Variants in DTD1 observed in about 807,000 individuals in gnomAD.
DTD1 encodes the protein D-aminoacyl-tRNA deacylase 1.
In DTD1, 13 loss-of-function variants were observed where a neutral mutation model predicts 25.6. That is an observed-to-expected ratio of 0.51 (90% confidence interval 0.33 to 0.81). DTD1 has a LOEUF of 0.81. DTD1 is among the 30% of genes least tolerant of loss of function. The probability of loss-of-function intolerance (pLI) is 0.02; values close to 1 mark genes in which losing one functional copy is unlikely to be tolerated. For missense variants in DTD1, 193 were observed against 266.4 expected (o/e 0.72, Z 1.92); for synonymous variants, 110 against 103.6 (o/e 1.06, Z -0.37).
intron 4 of DTD1, among the ~76,000 whole-genome samples, chr20:18,715,041 C>T (rs1165171029): frequency 6.6e-6 from 1 of 152,190 alleles, no homozygotes; most frequent in Non-Finnish European, 1.5e-5. Flanking sequence ...ATCTCAGTGA[C>T]AGCCTGAGGA....
chr20:18,707,392 AC>A (rs1600382150), intron 4 of DTD1, among the ~76,000 whole-genome samples: 1 of 152,164 alleles, frequency 6.6e-6, no homozygotes, highest in East Asian at 1.9e-4. Flanking sequence ...ACAAGATTGT[AC>A]CTTGAGTGCT....
At position 18,628,214 on chromosome 20, in the gene DTD1, C is replaced by G; in HGVS notation, c.458C>G (p.Ala153Gly). 2 of 1,613,654 alleles carry G rather than the reference C, an allele frequency of 1.2e-6. No homozygotes were observed. ...IELESPAPGTATSDPKQLSKL... is the reference protein window; with the variant it reads ...IELESPAPGTGTSDPKQLSKL... ...CTGGAATCGCCAGCTCCCGGCACTG[C>G]TACCTCTGACCCAAAGCAGGTAAGC... is the stretch of plus-strand genomic sequence containing the variant. Residue 153 changes from alanine (A) to glycine (G), a missense_variant, in exon 4 of 6, where the codon GCT becomes GGT. By Grantham distance (60) the Ala-to-Gly change is moderately conservative (BLOSUM62 0). Coordinates refer to ENST00000377452, the MANE Select transcript of DTD1 (RefSeq NM_080820.6).
chr20:18,712,072 A>G (rs1309469699), intron 4 of DTD1, among the ~76,000 whole-genome samples: 1 of 60,332 alleles, frequency 1.7e-5, no homozygotes, highest in Non-Finnish European at 4.2e-5. Flanking sequence ...ACTCCGTCTC[A>G]AAAAAAAAAA....
chr20:18,690,209 G>A (rs527356639), intron 4 of DTD1, among the ~76,000 whole-genome samples: 25 of 148,936 alleles, frequency 1.7e-4, no homozygotes, highest in East Asian at 5.8e-4. Context: ...TTGTCTTGTT[G>A]ATTTTTTAAA....
intron 5 of DTD1, among the ~76,000 whole-genome samples, chr20:18,762,172 C>T (rs2061365619): frequency 6.6e-6 from 1 of 152,208 alleles, no homozygotes; most frequent in Admixed American, 6.5e-5. Context: ...AAGAAGGTGG[C>T]CTGCACTGAG....
intron 4 of DTD1, among the ~76,000 whole-genome samples, chr20:18,743,622 T>C (rs6035113): frequency 1 from 146,267 of 146,992 alleles, 72,779 homozygotes; most frequent in Middle Eastern, 1. Flanking sequence ...TGCAGTGAAC[T>C]GTGACCGCAC....
intron 3 of DTD1, among the ~76,000 whole-genome samples, chr20:18,626,533 T>C (rs554941082): frequency 6.6e-6 from 1 of 152,222 alleles, no homozygotes; most frequent in Non-Finnish European, 1.5e-5. Flanking sequence ...ACAACTTGAT[T>C]ATATCACCAT....
intron 4 of DTD1, among the ~76,000 whole-genome samples, chr20:18,651,895 C>A (rs1408556246): frequency 1.3e-5 from 2 of 152,176 alleles, no homozygotes; most frequent in Non-Finnish European, 2.9e-5. Flanking sequence ...GGAGGTAGAT[C>A]TGGGGTCTTT....
chr20:18,669,886 G>C (rs1478107896), intron 4 of DTD1, among the ~76,000 whole-genome samples: 1 of 152,138 alleles, frequency 6.6e-6, no homozygotes, highest in Non-Finnish European at 1.5e-5. Context: ...AGTTCCATTG[G>C]GGGTAAAGAT....
chr20:18,710,039 A>G (rs1212967063), intron 4 of DTD1, among the ~76,000 whole-genome samples: 5 of 152,162 alleles, frequency 3.3e-5, no homozygotes, highest in Non-Finnish European at 5.9e-5. Context: ...ATTCACTTCC[A>G]TTATGAATAG....
At chr20:18,707,872 G>A (rs1012301437) in intron 4 of DTD1, among the ~76,000 whole-genome samples, 6 of 151,950 alleles carry the variant, frequency 3.9e-5, no homozygotes, top group African/African-American at 7.2e-5. Flanking sequence ...GCACCTCTCC[G>A]ACTGGCTTAC....
intron 3 of DTD1, among the ~76,000 whole-genome samples, chr20:18,623,018 C>A (rs986071817): frequency 1.5e-4 from 22 of 145,602 alleles, no homozygotes; most frequent in African/African-American, 5.6e-4. Context: ...CGGCTCATTG[C>A]GACCTCCGCC....
chr20:18,681,267 T>C lies in DTD1; in HGVS notation c.477+53034T>C, dbSNP rs2060995714. Among the ~76,000 whole-genome samples the C allele has an allele frequency of 2.6e-5, 4 of 152,200 alleles. No individual in the cohort carries two copies. The South Asian group carries it at 8.3e-4, about 31-fold the overall frequency. On this transcript the variant is annotated intron_variant, in intron 4 of 5. Coordinates refer to ENST00000377452, the MANE Select transcript of DTD1 (RefSeq NM_080820.6). ...TGGGCACGCTGAGCTGTCTGTCCAT[T>C]TGGGACACTTTATAAGCAACTGGAT...
chr20:18,743,951 A>T, intron 4 of DTD1, 149 bp from the exon 5 acceptor site: 1 of 733,670 alleles, frequency 1.4e-6, no homozygotes, highest in Non-Finnish European at 2.2e-6. Context: ...CATTCTGTGT[A>T]TAATTTGGTA....
chr20:18,713,493 T>A (rs940262875), intron 4 of DTD1, among the ~76,000 whole-genome samples: 1 of 152,140 alleles, frequency 6.6e-6, no homozygotes, highest in African/African-American at 2.4e-5. Flanking sequence ...TGGCTGTGGG[T>A]GTCTGCATTG....
intron 3 of DTD1, among the ~76,000 whole-genome samples, chr20:18,627,609 T>G (rs2060764802): frequency 6.6e-6 from 1 of 152,288 alleles, no homozygotes; most frequent in South Asian, 2.1e-4. Context: ...ACTTTTCCTG[T>G]GTTGAGTGGC....
intron 4 of DTD1, among the ~76,000 whole-genome samples, chr20:18,692,556 C>A (rs963284620): frequency 6.6e-6 from 1 of 152,172 alleles, no homozygotes; most frequent in Non-Finnish European, 1.5e-5. Context: ...AAGACAAATG[C>A]CTGCTAGCTA....
At chr20:18,626,493 A>G (rs950347736) in intron 3 of DTD1, among the ~76,000 whole-genome samples, 2 of 152,236 alleles carry the variant, frequency 1.3e-5, no homozygotes. Context: ...AGCTCTGGGT[A>G]GAAAGAAAGC....
intron 4 of DTD1, among the ~76,000 whole-genome samples, chr20:18,689,747 C>T (rs111862643): frequency 6.6e-6 from 1 of 152,160 alleles, no homozygotes; most frequent in African/African-American, 2.4e-5. Context: ...TCTCACTGTC[C>T]AGTACATTGG....
Sources: allele counts gnomAD v4.1 joint callset (sites outside exome capture counted in the v4.1 genomes callset), GRCh38; gene constraint gnomAD v4.1.1; transcripts MANE v1.5; gene names NCBI Gene and HGNC (gene_info 2026-07-23, HGNC 2026-07-21).